Variants in VMP1 observed in about 807,000 individuals in gnomAD.
VMP1 encodes the protein ectopic P-granules autophagy protein 3 homolog.
In VMP1, 11 loss-of-function variants were observed where a neutral mutation model predicts 56.0. The observed-to-expected ratio is 0.20, with a 90% confidence interval of 0.12 to 0.32. VMP1 has a LOEUF of 0.32. VMP1 is among the 10% of genes least tolerant of loss of function. The pLI, the probability that VMP1 is intolerant of heterozygous loss-of-function variation, is 1.00. For missense variants in VMP1, 296 were observed against 490.3 expected (o/e 0.60, Z 3.74); for synonymous variants, 149 against 165.0 (o/e 0.90, Z 0.74).
chr17:59,807,021 T>G (rs2037864495), intron 7 of VMP1, among the ~76,000 whole-genome samples: 1 of 152,064 alleles, frequency 6.6e-6, no homozygotes, highest in African/African-American at 2.4e-5. Context: ...TTAACTACTG[T>G]GGTAATTTGG....
chr17:59,739,520 C>G (rs758033730), intron 5 of VMP1, among the ~76,000 whole-genome samples: 3 of 151,384 alleles, frequency 2.0e-5, no homozygotes, highest in Non-Finnish European at 2.9e-5. Flanking sequence ...GTCTGGAGAT[C>G]GAGACCATCC....
At chr17:59,756,693 A>G (rs1449951786) in intron 5 of VMP1, among the ~76,000 whole-genome samples, 1 of 151,930 alleles carries the variant, frequency 6.6e-6, no homozygotes, top group Admixed American at 6.6e-5. Flanking sequence ...TACACACACA[A>G]CACACATTCT....
intron 7 of VMP1, among the ~76,000 whole-genome samples, chr17:59,807,675 A>T (rs1205046191): frequency 6.6e-6 from 1 of 151,964 alleles, no homozygotes; most frequent in African/African-American, 2.4e-5. Flanking sequence ...TCTACTAAAA[A>T]TACAAAATTA....
intron 7 of VMP1, among the ~76,000 whole-genome samples, chr17:59,788,325 A>G (rs1315093564): frequency 6.6e-6 from 1 of 151,472 alleles, no homozygotes; most frequent in Non-Finnish European, 1.5e-5. Context: ...CGTCTCTACT[A>G]AAAATACAAA....
chr17:59,818,056 A>T (rs2038307900), intron 10 of VMP1, among the ~76,000 whole-genome samples: 1 of 152,186 alleles, frequency 6.6e-6, no homozygotes, highest in Non-Finnish European at 1.5e-5. Context: ...CCCACCAAAG[A>T]AATAAGAAAT....
chr17:59,833,410 T>C (rs1187472539), intron 10 of VMP1, among the ~76,000 whole-genome samples: 1 of 152,108 alleles, frequency 6.6e-6, no homozygotes, highest in Admixed American at 6.6e-5. Flanking sequence ...TGATGACAGT[T>C]TGGGAAACCA....
intron 10 of VMP1, among the ~76,000 whole-genome samples, chr17:59,827,973 C>T (rs1048217785): frequency 1.3e-5 from 2 of 150,530 alleles, no homozygotes; most frequent in Admixed American, 6.6e-5. Flanking sequence ...CAGTGCCACT[C>T]GCCTGTAGTT....
chr17:59,802,691 G>T lies in VMP1; in HGVS notation c.715-6105G>T, dbSNP rs146300242. On this transcript the variant is annotated intron_variant, in intron 7 of 11. Coordinates refer to ENST00000262291, the MANE Select transcript of VMP1 (RefSeq NM_030938.5). ...AGCGATTCTCTTGCCTAGGCCTCCTGAGTAGCTAGGATTACAGGCGCCAGC... is the reference window on the plus strand; with the variant it reads ...AGCGATTCTCTTGCCTAGGCCTCCTTAGTAGCTAGGATTACAGGCGCCAGC... Among the ~76,000 whole-genome samples, 392 of 152,022 alleles carry T rather than the reference G, an allele frequency of 2.6e-3. 1 individual carries two copies. Among genetic ancestry groups the T allele is most frequent in the African/African-American group, 8.4e-3 (349 of 41,452 alleles).
chr17:59,777,457 CT>C lies in VMP1; in HGVS notation c.714+3585del, dbSNP rs77891416. 8.4e-3 allele frequency among the ~76,000 whole-genome samples: 1,218 copies of C among 144,906 alleles called. 10 individuals carry two copies. Among genetic ancestry groups the C allele is most frequent in the African/African-American group, 0.017 (665 of 39,890 alleles). On this transcript the variant is annotated intron_variant, in intron 7 of 11. Transcript: ENST00000262291. ...CTGAGTCCTCTTTATAAGCAGTCTA[CT>C]TTTTTTTTTTTTCCTCTCTAGAAGC...
At chr17:59,743,404 G>T (rs553818710) in intron 5 of VMP1, among the ~76,000 whole-genome samples, 1 of 151,944 alleles carries the variant, frequency 6.6e-6, no homozygotes, top group East Asian at 1.9e-4. Flanking sequence ...ATACATTTAA[G>T]GTTTTTCCTT....
intron 1 of VMP1, among the ~76,000 whole-genome samples, chr17:59,710,804 C>T (rs1347561540): frequency 6.6e-6 from 1 of 152,112 alleles, no homozygotes; most frequent in Non-Finnish European, 1.5e-5. Flanking sequence ...GGCGCCGTGG[C>T]TCACGCCTGT....
rs1422158885 is a variant in VMP1 at position 59,731,469 on chromosome 17, G to C, written c.23G>C (p.Cys8Ser). Residue 8 changes from cysteine to serine, a missense_variant, in exon 2 of 12, where the codon TGT (cysteine) becomes TCT (serine). This residue lies in a region of VMP1 where 69 missense variants were observed against 76.6 expected (regional missense o/e 0.90). Coordinates refer to ENST00000262291, the MANE Select transcript of VMP1 (RefSeq NM_030938.5). The part of the protein sequence containing the change: MAENGKN[C>S]DQRRVAMNKE... ...GAAATGGCAGAGAATGGAAAAAATT[G>C]TGACCAGAGACGTGTAGCAATGAAC... 4 of 1,592,830 alleles carry C rather than the reference G, an allele frequency of 2.5e-6. No individual in the cohort carries two copies. Among genetic ancestry groups the C allele is most frequent in the Middle Eastern group, 1.7e-4 (1 of 6,012 alleles).
At chr17:59,791,481 G>A (rs1426598722) in intron 7 of VMP1, among the ~76,000 whole-genome samples, 47 of 140,062 alleles carry the variant, frequency 3.4e-4, no homozygotes, top group African/African-American at 1.2e-3. Flanking sequence ...GTGAGCCACC[G>A]TGCCCGGCTC....
At chr17:59,787,924 G>A (rs992313056) in intron 7 of VMP1, among the ~76,000 whole-genome samples, 2 of 151,938 alleles carry the variant, frequency 1.3e-5, no homozygotes, top group Admixed American at 1.3e-4. Context: ...AACAAAATAA[G>A]AAAAACATTC....
intron 7 of VMP1, among the ~76,000 whole-genome samples, chr17:59,783,660 G>A (rs993955360): frequency 1.3e-5 from 2 of 152,072 alleles, no homozygotes; most frequent in Admixed American, 6.6e-5. Context: ...CAAAATCTGA[G>A]TCATCTGACT....
intron 7 of VMP1, among the ~76,000 whole-genome samples, chr17:59,784,634 G>A (rs8074176): frequency 0.14 from 21,493 of 152,116 alleles, 1,966 homozygotes; most frequent in African/African-American, 0.25. Context: ...CTCATGCAGT[G>A]GATACTTTGA....
intron 1 of VMP1, among the ~76,000 whole-genome samples, chr17:59,708,696 T>C (rs904901689): frequency 2.0e-5 from 3 of 152,224 alleles, no homozygotes; most frequent in Non-Finnish European, 4.4e-5. Flanking sequence ...TGATAGAATT[T>C]AATATTCCAG....
At chr17:59,754,710 C>T (rs1365474427) in intron 5 of VMP1, among the ~76,000 whole-genome samples, 1 of 152,108 alleles carries the variant, frequency 6.6e-6, no homozygotes, top group Non-Finnish European at 1.5e-5. Flanking sequence ...ATCTATTTGC[C>T]TTTTGTTTGA....
intron 5 of VMP1, among the ~76,000 whole-genome samples, chr17:59,758,039 C>G (rs2035910522): frequency 6.6e-6 from 1 of 151,666 alleles, no homozygotes; most frequent in Non-Finnish European, 1.5e-5. Flanking sequence ...GAGGGTCTCT[C>G]CATGTTACCC....
Sources: gnomAD v4.1 joint callset for allele counts (sites outside exome capture counted in the v4.1 genomes callset) on GRCh38, gnomAD v4.1.1 for gene constraint, gnomAD v4.1.1 regional missense constraint, MANE v1.5 for transcripts, NCBI Gene and HGNC (gene_info 2026-07-23, HGNC 2026-07-21) for gene names.